KAZN: variants seen among roughly 807,000 people sequenced by gnomAD.
The protein encoded by KAZN is kazrin, periplakin interacting protein.
A neutral mutation model predicts 87.4 loss-of-function variants in KAZN; 40 were observed. The ratio of observed to expected loss-of-function variants is 0.46; its 90% CI spans 0.36 to 0.60. The LOEUF is 0.60. Among genes scored for constraint, KAZN ranks in the 20% least tolerant of loss-of-function variants. KAZN has a pLI of 0.00. For missense variants in KAZN, 898 were observed against 1,073.9 expected (o/e 0.84, Z 2.29); for synonymous variants, 466 against 458.3 (o/e 1.02, Z -0.22).
intron 1 of KAZN, among the ~76,000 whole-genome samples, chr1:14,793,089 G>T (rs1224320976): frequency 9.2e-5 from 14 of 152,168 alleles, no homozygotes; most frequent in African/African-American, 3.4e-4. Context: ...TAAGGCGGTG[G>T]AGGCCACTGA....
intron 2 of KAZN, among the ~76,000 whole-genome samples, chr1:14,536,601 G>A (rs1672516879): frequency 6.6e-6 from 1 of 152,230 alleles, no homozygotes; most frequent in Admixed American, 6.5e-5. Context: ...GTTGAAGTCG[G>A]CTGCGTGTGG....
At chr1:14,437,192 G>A (rs1406221214) in intron 2 of KAZN, among the ~76,000 whole-genome samples, 1 of 152,152 alleles carries the variant, frequency 6.6e-6, no homozygotes, top group Non-Finnish European at 1.5e-5. Flanking sequence ...ATGTCAGTTT[G>A]TGATCTGAGA....
At chr1:14,959,674 T>G (rs1663604356) in intron 1 of KAZN, among the ~76,000 whole-genome samples, 1 of 152,194 alleles carries the variant, frequency 6.6e-6, no homozygotes, top group Non-Finnish European at 1.5e-5. Flanking sequence ...CTTCTCTTAA[T>G]GCACTCTCCT....
intron 1 of KAZN, among the ~76,000 whole-genome samples, chr1:14,028,150 C>T (rs1641161982): frequency 6.6e-6 from 1 of 152,050 alleles, no homozygotes; most frequent in Non-Finnish European, 1.5e-5. Context: ...TTAGTAGCCT[C>T]TTTCTTCAAG....
rs564373757 is a variant in KAZN at position 15,109,689 on chromosome 1, G to C, written c.2049-2738G>C. Among the ~76,000 whole-genome samples the C allele has an allele frequency of 2.0e-4, 31 of 152,110 alleles. No homozygotes were observed. The South Asian group carries it at 6.2e-3, about 31-fold the overall frequency. On this transcript the variant is annotated intron_variant, in intron 13 of 14. Coordinates refer to ENST00000376030, the MANE Select transcript of KAZN (RefSeq NM_201628.3). Reference sequence around the variant, plus strand: ...TTTATATGTGTGTATATGGGTGTATGTGTATGTTTGTGTATGAGCGTGTTT... The same window carrying C: ...TTTATATGTGTGTATATGGGTGTATCTGTATGTTTGTGTATGAGCGTGTTT...
chr1:14,083,277 A>G lies in KAZN; in HGVS notation c.92-97158A>G, dbSNP rs116040958. Among the ~76,000 whole-genome samples, 243 of 152,354 alleles carry G rather than the reference A, an allele frequency of 1.6e-3. 1 individual carries two copies. Among genetic ancestry groups the G allele is most frequent in the African/African-American group, 5.7e-3 (235 of 41,588 alleles). ...ATCAATTTGGCATAACTGTGTACCT[A>G]TAAATAACATTGATGAGCATGATAT... On this transcript the variant is annotated intron_variant, in intron 1 of 16. Coordinates refer to the KAZN transcript ENST00000636203.
chr1:14,015,331 A>G (rs1204969562), intron 1 of KAZN, among the ~76,000 whole-genome samples: 1 of 152,004 alleles, frequency 6.6e-6, no homozygotes, highest in Non-Finnish European at 1.5e-5. Flanking sequence ...TCTGTTGGGA[A>G]GGGCTTTATA....
chr1:14,153,329 A>G (rs955500015), intron 1 of KAZN, among the ~76,000 whole-genome samples: 2 of 152,110 alleles, frequency 1.3e-5, no homozygotes, highest in Non-Finnish European at 2.9e-5. Flanking sequence ...TCACAGTATG[A>G]GGTTTAGATT....
chr1:14,900,286 T>C (rs532974357), intron 1 of KAZN, among the ~76,000 whole-genome samples: 14 of 152,172 alleles, frequency 9.2e-5, no homozygotes, highest in Non-Finnish European at 2.1e-4. Flanking sequence ...CCCTGGGAGA[T>C]GTCTTGTGTT....
intron 2 of KAZN, among the ~76,000 whole-genome samples, chr1:14,575,842 G>T (rs1675144308): frequency 6.6e-6 from 1 of 152,174 alleles, no homozygotes; most frequent in Non-Finnish European, 1.5e-5. Flanking sequence ...TAGCCTGAAA[G>T]CTTCTGGGAT....
chr1:14,711,534 G>A (rs2100208682), intron 1 of KAZN, among the ~76,000 whole-genome samples: 1 of 152,272 alleles, frequency 6.6e-6, no homozygotes, highest in South Asian at 2.1e-4. Context: ...CCTTTGGGTG[G>A]GGTGGGACCT....
chr1:14,359,156 G>A (rs917070599), intron 2 of KAZN, among the ~76,000 whole-genome samples: 2 of 152,206 alleles, frequency 1.3e-5, no homozygotes, highest in South Asian at 4.1e-4. Flanking sequence ...TTGTTGAATT[G>A]ATCTCTTTAC....
Position 14,049,045 on chromosome 1 carries a change from G to T in KAZN, c.92-131390G>T, listed in dbSNP as rs1190497990. Reference sequence around the variant, plus strand: ...GTTTATTGCAGCACTATTCACAATAGCAAAGACTTGGAACCAACCCAAATG... The same window carrying T: ...GTTTATTGCAGCACTATTCACAATATCAAAGACTTGGAACCAACCCAAATG... On this transcript the variant is annotated intron_variant, in intron 1 of 16. Coordinates refer to the KAZN transcript ENST00000636203. Among the ~76,000 whole-genome samples, 6 of 152,114 alleles carry T rather than the reference G, an allele frequency of 3.9e-5. No individual in the cohort carries two copies. In the East Asian group the frequency reaches 1.2e-3, roughly 29 times the overall value.
chr1:14,832,067 G>A (rs1647064829), intron 1 of KAZN, among the ~76,000 whole-genome samples: 1 of 152,008 alleles, frequency 6.6e-6, no homozygotes, highest in South Asian at 2.1e-4. Flanking sequence ...ATGGTGGCAG[G>A]CACCTGTAAT....
intron 1 of KAZN, among the ~76,000 whole-genome samples, chr1:14,695,751 A>C (rs530198011): frequency 1.1e-4 from 16 of 151,818 alleles, no homozygotes; most frequent in Non-Finnish European, 2.1e-4. Context: ...TGATCCACCC[A>C]TCTTGGCCTC....
intron 1 of KAZN, among the ~76,000 whole-genome samples, chr1:14,010,640 A>G (rs1640252204): frequency 6.6e-6 from 1 of 152,194 alleles, no homozygotes; most frequent in Non-Finnish European, 1.5e-5. Context: ...TGAGACTCCT[A>G]TGTCATTGTC....
intron 2 of KAZN, among the ~76,000 whole-genome samples, chr1:14,293,601 A>G (rs1222974592): frequency 2.6e-5 from 4 of 151,684 alleles, no homozygotes; most frequent in Non-Finnish European, 5.9e-5. Flanking sequence ...CATTCTTTAT[A>G]CCAGTCTCTC....
chr1:14,940,882 A>T (rs1466319708), intron 1 of KAZN, among the ~76,000 whole-genome samples: 2 of 133,006 alleles, frequency 1.5e-5, no homozygotes, highest in African/African-American at 2.8e-5. Flanking sequence ...GACCAGACAG[A>T]TGTCATTCTA....
At chr1:15,043,521 C>T (rs997166398) in intron 3 of KAZN, among the ~76,000 whole-genome samples, 3 of 151,492 alleles carry the variant, frequency 2.0e-5, no homozygotes, top group Non-Finnish European at 4.4e-5. Context: ...CTACTGGGTT[C>T]GTCTCTGTTC....
Sources: allele counts gnomAD v4.1 joint callset (sites outside exome capture counted in the v4.1 genomes callset), GRCh38; gene constraint gnomAD v4.1.1; transcripts MANE v1.5; gene names NCBI Gene and HGNC (gene_info 2026-07-23, HGNC 2026-07-21).